XPNPEP2: variants seen among roughly 807,000 people sequenced by gnomAD.
The protein encoded by XPNPEP2 is X-prolyl aminopeptidase 2.
In XPNPEP2, 64 loss-of-function variants were observed where a neutral mutation model predicts 59.8. The observed-to-expected ratio is 1.07, with a 90% CI of 0.87 to 1.32. The LOEUF is 1.32. Ranked by LOEUF, XPNPEP2 falls within the 40% of genes most tolerant of loss-of-function variation. XPNPEP2 has a pLI of 0.00. For missense variants in XPNPEP2, 575 were observed against 546.8 expected, an observed-to-expected ratio of 1.05 and a Z score of -0.51; for synonymous variants, 235 against 210.0, an observed-to-expected ratio of 1.12 and a Z score of -1.03.
intron 14 of XPNPEP2, among the ~76,000 whole-genome samples, chrX:129,757,023 TAC>T (rs1342456152): frequency 1.0e-3 from 79 of 77,688 alleles, no homozygotes; most frequent in African/African-American, 2.9e-3. Flanking sequence ...TATATATATA[TAC>T]ACACACACAC....
chrX:129,750,178 T>C (rs56410819), intron 7 of XPNPEP2, among the ~76,000 whole-genome samples: 2,938 of 112,518 alleles, frequency 0.026, 82 homozygotes, highest in African/African-American at 0.089. Flanking sequence ...TTGAGGCAGA[T>C]GCTTATTATA....
chrX:129,753,225 C>T lies in XPNPEP2; in HGVS notation c.1084C>T (p.Gln362Ter). Reference sequence around the variant, plus strand: ...CAAGGCAGTGAAGAACAGCAAGGAGCAGGCCCTCCTCAAGGCCAGCCACGT... The same window carrying T: ...CAAGGCAGTGAAGAACAGCAAGGAGTAGGCCCTCCTCAAGGCCAGCCACGT... ...MTKAVKNSKE[Q>*]ALLKASHVRD... Residue 362 changes from glutamine (Q) to a stop codon, truncating the protein, a stop_gained, in exon 11 of 21, where the codon CAG becomes TAG. Transcript: ENST00000371106. LOFTEE classifies it high-confidence loss of function. 1 of 1,211,789 alleles carries T rather than the reference C, an allele frequency of 8.3e-7. No individual in the cohort carries two copies. The highest frequency in any genetic ancestry group is 1.7e-5 in the African/African-American group (1 of 57,843).
intron 6 of XPNPEP2, among the ~76,000 whole-genome samples, chrX:129,747,216 A>G (rs1031650909): frequency 8.9e-6 from 1 of 112,941 alleles, no homozygotes; most frequent in Non-Finnish European, 1.9e-5. Flanking sequence ...CTTGTGCTTT[A>G]GAACTGGCTT....
At chrX:129,739,823 G>A (rs1926140451) in intron 1 of XPNPEP2, among the ~76,000 whole-genome samples, 1 of 112,930 alleles carries the variant, frequency 8.9e-6, no homozygotes, top group South Asian at 3.6e-4. Flanking sequence ...AGGCCAAGTG[G>A]AGAAGAGGCT....
intron 15 of XPNPEP2, among the ~76,000 whole-genome samples, chrX:129,759,909 T>G (rs1834880239): frequency 8.9e-6 from 1 of 112,242 alleles, no homozygotes; most frequent in Admixed American, 9.4e-5. Context: ...AAGAGGCCAC[T>G]GTCAGGCCAC....
chrX:129,746,915 C>T lies in XPNPEP2; in HGVS notation c.490+234C>T, dbSNP rs895196517. ...ATTTTAAAATTCATGAGTGCAGAGA[C>T]CCAACCTAGAAGACTCAGTGAATCA... On this transcript the variant is annotated intron_variant, in intron 6 of 20. Transcript: ENST00000371106. The T allele has an allele frequency of 1.5e-5, 6 of 405,689 alleles. No homozygotes were observed. The African/African-American group carries it at 1.5e-4, about 10-fold the overall frequency. The allele number at this position is 405,689 out of a possible 1,213,427, so 33.4% of individuals were successfully genotyped here.
At chrX:129,762,827 T>C (rs759648979) in intron 19 of XPNPEP2, 57 bp downstream of exon 19, 1 of 1,049,277 alleles carries the variant, frequency 9.5e-7, no homozygotes, top group Admixed American at 2.2e-5. Context: ...GACTTTGGGC[T>C]GCATGGGAGG....
chrX:129,751,566 GAAAGAAAGAAAGAAAGAAAGA>G (rs1926404117), intron 8 of XPNPEP2, among the ~76,000 whole-genome samples, 158 bp from the exon 9 acceptor site: 1 of 65,129 alleles, frequency 1.5e-5, no homozygotes, highest in African/African-American at 6.3e-5. Flanking sequence ...AAGAAAGAAA[GAAAGAAAGAAAGAAAGAAAGA>G]AAGAAAGAAA....
rs749891028 is a variant in XPNPEP2, at chrX:129,768,482, C to T, written c.2022C>T (p.Val674=). Reference sequence around the variant, plus strand: ...CCCTTGCCATCCTTGGCTGGAGTGTCTAGAGGCTCCAGACTCTCCTGTTAA... The same window carrying T: ...CCCTTGCCATCCTTGGCTGGAGTGTTTAGAGGCTCCAGACTCTCCTGTTAA... The part of the protein sequence containing the change: ...VSTLAILGWS[V] Residue 674 remains valine, a synonymous_variant, in exon 21 of 21, where the codon GTC becomes GTT. Transcript: ENST00000371106. 3.4e-5 allele frequency: 40 copies of T among 1,163,984 alleles called. 1 individual carries two copies. Among genetic ancestry groups the T allele is most frequent in the Non-Finnish European group, 4.3e-5 (38 of 874,118 alleles).
intron 3 of XPNPEP2, 36 bp from the exon 4 acceptor site, chrX:129,745,167 C>T (rs759333487): frequency 1.7e-5 from 20 of 1,206,540 alleles, no homozygotes; most frequent in Non-Finnish European, 2.1e-5. Context: ...TCTGATACCA[C>T]GAAAAAGGCT....
At chrX:129,743,891 G>C in intron 2 of XPNPEP2, 70 bp from the exon 3 acceptor site, 2 of 1,012,638 alleles carry the variant, frequency 2.0e-6, no homozygotes, top group Non-Finnish European at 2.8e-6. Context: ...CAGGGGCCCA[G>C]ATGTCATTTT....
chrX:129,753,827 T>TTTACC (rs1472191909), intron 11 of XPNPEP2, among the ~76,000 whole-genome samples: 1 of 110,622 alleles, frequency 9.0e-6, no homozygotes, highest in African/African-American at 3.3e-5. Context: ...ACCAAGTCAT[T>TTTACC]TTACCTCTCT....
intron 13 of XPNPEP2, 98 bp downstream of exon 13, chrX:129,755,469 G>A: frequency 1.1e-6 from 1 of 889,598 alleles, no homozygotes; most frequent in Non-Finnish European, 1.6e-6. Context: ...TGGGACCTGA[G>A]TCCACGTTGA....
chrX:129,745,348 A>C, intron 4 of XPNPEP2, 82 bp downstream of exon 4: 1 of 1,084,796 alleles, frequency 9.2e-7, no homozygotes, highest in Non-Finnish European at 1.3e-6. Flanking sequence ...CTAGTGTCTC[A>C]GCATCTGGGA....
intron 17 of XPNPEP2, 38 bp downstream of exon 17, chrX:129,761,314 T>C (rs780813395): frequency 2.4e-5 from 26 of 1,074,308 alleles, no homozygotes; most frequent in Non-Finnish European, 3.2e-5. Context: ...CCACCCCCCT[T>C]TTATTATACC....
chrX:129,751,784 C>G lies in XPNPEP2; in HGVS notation c.779C>G (p.Pro260Arg). ...NLRASDIPYN[P>R]FFYSYTLLTD... ...CGAGCCAGTGACATCCCCTATAACC[C>G]CTTCTTCTATTCCTACACGCTGCTC... Residue 260 changes from proline to arginine, a missense_variant, in exon 9 of 21, where the codon CCC becomes CGC. Transcript: ENST00000371106. 8.3e-7 allele frequency: 1 copy of G among 1,211,255 alleles called. No homozygotes were observed. Among genetic ancestry groups the G allele is most frequent in the South Asian group, 1.8e-5 (1 of 56,962 alleles).
At chrX:129,740,958 G>T (rs919322815) in intron 1 of XPNPEP2, among the ~76,000 whole-genome samples, 1 of 107,744 alleles carries the variant, frequency 9.3e-6, no homozygotes, top group African/African-American at 3.4e-5. Flanking sequence ...AAAAAAGGAG[G>T]GGGGGCGGGG....
intron 7 of XPNPEP2, 77 bp downstream of exon 7, chrX:129,747,830 T>C: frequency 8.5e-7 from 1 of 1,182,900 alleles, no homozygotes; most frequent in Non-Finnish European, 1.1e-6. Flanking sequence ...GTGGCAAACT[T>C]CATCATCAGA....
rs192170234 is a variant in XPNPEP2, at chrX:129,768,225, G to A, written c.1831-66G>A. On this transcript the variant is annotated intron_variant, in intron 20 of 20. Coordinates refer to ENST00000371106, the MANE Select transcript of XPNPEP2 (RefSeq NM_003399.6). ...GGAGTACCACAACAGGGGACTGGGC[G>A]TCACCAAGACTTCACCTCTTGGCAG... The A allele has an allele frequency of 1.5e-4, 162 of 1,073,968 alleles. No homozygotes were observed. The Middle Eastern group carries it at 2.8e-3, about 19-fold the overall frequency. The allele number at this position is 1,073,968 out of a possible 1,213,427, so 88.5% of individuals were successfully genotyped here.
Sources: gnomAD v4.1 joint callset for allele counts (sites outside exome capture counted in the v4.1 genomes callset) on GRCh38, gnomAD v4.1.1 for gene constraint, MANE v1.5 for transcripts, NCBI Gene and HGNC (gene_info 2026-07-23, HGNC 2026-07-21) for gene names.